Variants in FAM13A observed in about 807,000 individuals in gnomAD.
The protein encoded by FAM13A is family with sequence similarity 13 member A.
Under a neutral mutation model 129.6 loss-of-function variants are expected in FAM13A, and 76 were observed. That is an observed-to-expected ratio of 0.59 (90% CI 0.49 to 0.71). FAM13A has a LOEUF of 0.71. Ranked by LOEUF, FAM13A falls within the 30% of genes least tolerant of loss-of-function variation. The probability of loss-of-function intolerance (pLI) is 0.00; values close to 1 mark genes in which losing one functional copy is unlikely to be tolerated. For missense variants in FAM13A, 1,108 were observed against 1,249.3 expected (o/e 0.89, Z 1.70); for synonymous variants, 443 against 449.9 (o/e 0.98, Z 0.20).
intron 2 of FAM13A, among the ~76,000 whole-genome samples, chr4:89,025,245 G>GTTTTTTTTTTTTTTTTTTTTTTTTT (rs56710705): frequency 1.6e-5 from 1 of 61,362 alleles, no homozygotes; most frequent in Non-Finnish European, 3.2e-5. Context: ...TGGAATCATT[G>GTTTTTTTTTTTTTTTTTTTTTTTTT]TTTTTTTTTT....
At chr4:88,976,807 T>C (rs907650412) in intron 4 of FAM13A, among the ~76,000 whole-genome samples, 2 of 127,020 alleles carry the variant, frequency 1.6e-5, no homozygotes, top group African/African-American at 5.9e-5. Context: ...TTATCTTTTA[T>C]AGTGTATCTT....
chr4:89,054,791 G>C (rs1452592294), intron 1 of FAM13A, among the ~76,000 whole-genome samples: 1 of 152,122 alleles, frequency 6.6e-6, no homozygotes, highest in Non-Finnish European at 1.5e-5. Context: ...GAGATTGGCT[G>C]GGAGACTTTA....
chr4:89,018,304 C>T (rs914917456), intron 3 of FAM13A, among the ~76,000 whole-genome samples: 4 of 152,148 alleles, frequency 2.6e-5, no homozygotes, highest in Non-Finnish European at 2.9e-5. Flanking sequence ...GAAAAGGCCA[C>T]GTGCGGACAC....
intron 15 of FAM13A, among the ~76,000 whole-genome samples, chr4:88,750,178 A>G (rs1742270596): frequency 6.6e-6 from 1 of 152,186 alleles, no homozygotes; most frequent in South Asian, 2.1e-4. Flanking sequence ...TGGGCCTACA[A>G]GAGCTGAATT....
chr4:88,899,809 C>T (rs1030405932), intron 6 of FAM13A, among the ~76,000 whole-genome samples: 3 of 152,028 alleles, frequency 2.0e-5, no homozygotes, highest in Non-Finnish European at 2.9e-5. Context: ...AATTAGGCTT[C>T]AGAAGATGGG....
chr4:88,889,905 A>G (rs758180496), intron 6 of FAM13A, among the ~76,000 whole-genome samples: 2 of 152,218 alleles, frequency 1.3e-5, no homozygotes, highest in Non-Finnish European at 1.5e-5. Flanking sequence ...TGTTTGTTAC[A>G]GCAGTTAGCA....
intron 4 of FAM13A, among the ~76,000 whole-genome samples, chr4:88,970,254 C>T (rs943055241): frequency 6.6e-6 from 1 of 152,116 alleles, no homozygotes; most frequent in Non-Finnish European, 1.5e-5. Context: ...ACCTCAGCCC[C>T]CAGATATTCC....
At chr4:88,841,877 T>C (rs1334181547) in intron 7 of FAM13A, among the ~76,000 whole-genome samples, 1 of 152,208 alleles carries the variant, frequency 6.6e-6, no homozygotes, top group Non-Finnish European at 1.5e-5. Flanking sequence ...AGTTAACATA[T>C]GATTCAGCAA....
rs1731346018 is a variant in FAM13A at position 88,818,911 on chromosome 4, T to C, written c.1008-13859A>G. Among the ~76,000 whole-genome samples the C allele has an allele frequency of 2.0e-5, 3 of 152,340 alleles. No homozygotes were observed. In the South Asian group the frequency reaches 6.2e-4, roughly 32 times the overall value. On this transcript the variant is annotated intron_variant, in intron 7 of 23. Transcript: ENST00000264344. ...GCCCAACATTACCTGGGTTCTTCCC[T>C]GGTGAACTCCCATACCATCCCCATG...
chr4:88,803,123 C>G (rs1332916099), intron 8 of FAM13A, among the ~76,000 whole-genome samples: 1 of 152,220 alleles, frequency 6.6e-6, no homozygotes, highest in Admixed American at 6.5e-5. Flanking sequence ...GTGAGTAACC[C>G]TCTCAGCAGA....
chr4:88,945,783 G>GTATATATATATATAAGTATATATATAT (rs1553900954), intron 4 of FAM13A, among the ~76,000 whole-genome samples: 1,543 of 126,964 alleles, frequency 0.012, 67 homozygotes, highest in African/African-American at 0.04. Flanking sequence ...CTATGTGGTT[G>GTATATATATATATAAGTATATATATAT]TATATATATA....
intron 22 of FAM13A, chr4:88,731,731 T>A (rs1578401329): frequency 1.9e-6 from 1 of 521,664 alleles, no homozygotes; most frequent in East Asian, 3.1e-5. Context: ...CAGCGTGTGT[T>A]AAGTGATGGG....
chr4:89,024,932 T>C (rs1189360477), intron 2 of FAM13A, among the ~76,000 whole-genome samples: 1 of 152,180 alleles, frequency 6.6e-6, no homozygotes, highest in Non-Finnish European at 1.5e-5. Context: ...AGTGATTCTA[T>C]TTCACATCCC....
chr4:88,972,626 A>G (rs552512664), intron 4 of FAM13A, among the ~76,000 whole-genome samples: 1 of 147,090 alleles, frequency 6.8e-6, no homozygotes, highest in Non-Finnish European at 1.5e-5. Context: ...TTTGGGGGGG[A>G]GAACAGAGTC....
At chr4:88,857,628 C>CAAAA (rs1177788248) in intron 6 of FAM13A, among the ~76,000 whole-genome samples, 6 of 58,530 alleles carry the variant, frequency 1.0e-4, no homozygotes, top group Admixed American at 3.7e-4. Context: ...GATTCTGCCT[C>CAAAA]AAAAAAAAAA....
intron 14 of FAM13A, among the ~76,000 whole-genome samples, chr4:88,757,747 C>T (rs1743970839): frequency 6.6e-6 from 1 of 152,158 alleles, no homozygotes; most frequent in Non-Finnish European, 1.5e-5. Context: ...GGGGTTTACT[C>T]TTTTTCACCT....
In FAM13A at chr4:88,750,595, T is replaced by C. The variant is rs759544083; in HGVS notation, c.1769A>G (p.Asp590Gly). 42 of 1,614,010 alleles carry C rather than the reference T, an allele frequency of 2.6e-5. No individual in the cohort carries two copies. The highest frequency in any genetic ancestry group is 3.4e-5 in the Non-Finnish European group (40 of 1,180,020). Reference protein sequence around the residue: ...AFSSWQRENSDSDEAHLSPQA... With the variant: ...AFSSWQRENSGSDEAHLSPQA... ...CGGCGAGAGGTGGGCTTCATCAGAG[T>C]CACTGTTCTCCCGCTGCCAGGAGGA... Residue 590 changes from aspartate to glycine, a missense_variant, in exon 15 of 24, where the codon GAC becomes GGC. Asp to Gly is a moderately conservative substitution (Grantham distance 94). Transcript: ENST00000264344.
intron 5 of FAM13A, among the ~76,000 whole-genome samples, chr4:88,913,578 A>C (rs1206816687): frequency 6.6e-6 from 1 of 151,906 alleles, no homozygotes; most frequent in Non-Finnish European, 1.5e-5. Context: ...AGAAGAAAAA[A>C]GAAGAAGAAG....
At chr4:88,817,391 C>T (rs989531930) in intron 7 of FAM13A, among the ~76,000 whole-genome samples, 1 of 151,852 alleles carries the variant, frequency 6.6e-6, no homozygotes, top group Non-Finnish European at 1.5e-5. Flanking sequence ...GGTGAAACCT[C>T]GTCTCTACGA....
Sources: allele counts gnomAD v4.1 joint callset (sites outside exome capture counted in the v4.1 genomes callset), GRCh38; gene constraint gnomAD v4.1.1; transcripts MANE v1.5; gene names NCBI Gene and HGNC (gene_info 2026-07-23, HGNC 2026-07-21).